The following NEK7 variants were observed in gnomAD, a reference collection of about 807,000 sequenced individuals.
NEK7 encodes serine/threonine-protein kinase Nek7.
In NEK7, 18 loss-of-function variants were observed where a neutral mutation model predicts 44.6. That is an observed-to-expected ratio of 0.40 (90% CI 0.28 to 0.60). The LOEUF is 0.60. NEK7 is among the 20% of genes least tolerant of loss of function. The pLI is 0.38. For missense variants in NEK7, 256 were observed against 366.5 expected (o/e 0.70, Z 2.46); for synonymous variants, 130 against 121.1 (o/e 1.07, Z -0.48).
chr1:198,260,060 T>C (rs1653404946), intron 3 of NEK7, among the ~76,000 whole-genome samples: 1 of 152,212 alleles, frequency 6.6e-6, no homozygotes, highest in Non-Finnish European at 1.5e-5. Context: ...TAAAATCTGA[T>C]AGTAAGATGG....
intron 9 of NEK7, among the ~76,000 whole-genome samples, chr1:198,309,796 G>A (rs1392974559): frequency 6.6e-6 from 1 of 152,156 alleles, no homozygotes; most frequent in East Asian, 1.9e-4. Context: ...TGGCTGCATA[G>A]TATTCCATGG....
At chr1:198,232,325 C>G (rs1475365519) in intron 1 of NEK7, among the ~76,000 whole-genome samples, 1 of 152,074 alleles carries the variant, frequency 6.6e-6, no homozygotes, top group African/African-American at 2.4e-5. Flanking sequence ...ACAGGATTTT[C>G]TAAGCAAATA....
At chr1:198,163,724 C>G (rs1038009849) in intron 1 of NEK7, among the ~76,000 whole-genome samples, 3 of 152,020 alleles carry the variant, frequency 2.0e-5, no homozygotes, top group African/African-American at 7.3e-5. Context: ...TCATGGCAAC[C>G]TACAAATTGA....
intron 2 of NEK7, among the ~76,000 whole-genome samples, chr1:198,234,123 C>A (rs1361905197): frequency 6.6e-6 from 1 of 152,110 alleles, no homozygotes; most frequent in Non-Finnish European, 1.5e-5. Flanking sequence ...ACTTCAATTT[C>A]TCACCTGTAG....
At chr1:198,273,883 G>A (rs1405000358) in intron 5 of NEK7, among the ~76,000 whole-genome samples, 1 of 151,548 alleles carries the variant, frequency 6.6e-6, no homozygotes, top group Non-Finnish European at 1.5e-5. Flanking sequence ...TAGAAGTGGT[G>A]GAGACGTCAT....
intron 9 of NEK7, among the ~76,000 whole-genome samples, chr1:198,305,546 G>A (rs1430380214): frequency 6.6e-6 from 1 of 152,016 alleles, no homozygotes; most frequent in Non-Finnish European, 1.5e-5. Context: ...ATGTAAGTTT[G>A]TAATCCGGAG....
intron 9 of NEK7, among the ~76,000 whole-genome samples, chr1:198,317,722 C>T (rs1430002618): frequency 6.6e-6 from 1 of 151,976 alleles, no homozygotes; most frequent in Non-Finnish European, 1.5e-5. Flanking sequence ...GTTATCTTTT[C>T]CTGCTATTCT....
At chr1:198,269,579 A>G (rs1033280034) in intron 5 of NEK7, among the ~76,000 whole-genome samples, 22 of 152,068 alleles carry the variant, frequency 1.4e-4, no homozygotes, top group African/African-American at 4.6e-4. Flanking sequence ...TTTAGTGAGT[A>G]ATATTGTAAA....
At chr1:198,203,841 T>G (rs551537327) in intron 1 of NEK7, among the ~76,000 whole-genome samples, 50 of 151,956 alleles carry the variant, frequency 3.3e-4, no homozygotes, top group East Asian at 3.3e-3. Context: ...TTCATTTTTT[T>G]TTTGTGTGTG....
chr1:198,164,488 C>G (rs531873885), intron 1 of NEK7, among the ~76,000 whole-genome samples: 53 of 152,246 alleles, frequency 3.5e-4, no homozygotes, highest in African/African-American at 1.3e-3. Flanking sequence ...TAGACCACTG[C>G]AATAAAGTGA....
chr1:198,319,361 A>G, intron 9 of NEK7, 51 bp from the exon 10 acceptor site: 1 of 1,328,490 alleles, frequency 7.5e-7, no homozygotes, highest in African/African-American at 1.5e-5. Context: ...TCAGTAAACT[A>G]ACCAAAAATA....
chr1:198,212,011 CAA>C (rs1665788104), intron 1 of NEK7, among the ~76,000 whole-genome samples: 1 of 152,190 alleles, frequency 6.6e-6, no homozygotes, highest in Admixed American at 6.5e-5. Context: ...ATGAACTGAG[CAA>C]TGGGAAGTCT....
chr1:198,260,886 C>CTGCCT (rs771395463), intron 3 of NEK7, among the ~76,000 whole-genome samples: 3,762 of 152,108 alleles, frequency 0.025, 71 homozygotes, highest in African/African-American at 0.047. Flanking sequence ...TGAGCCAAAG[C>CTGCCT]TAAAATTCTT....
At chr1:198,232,680 G>C in intron 2 of NEK7, 43 bp downstream of exon 2, 1 of 1,123,240 alleles carries the variant, frequency 8.9e-7, no homozygotes, top group Non-Finnish European at 1.3e-6. Context: ...TATATAATCT[G>C]TGTTAAATAT....
intron 2 of NEK7, among the ~76,000 whole-genome samples, chr1:198,236,286 G>A (rs1666543222): frequency 6.6e-6 from 1 of 152,160 alleles, no homozygotes; most frequent in African/African-American, 2.4e-5. Context: ...TAGGCATTGA[G>A]TAGAGTGCTT....
chr1:198,292,628 A>G (rs2103007193), intron 7 of NEK7, among the ~76,000 whole-genome samples: 1 of 152,094 alleles, frequency 6.6e-6, no homozygotes, highest in South Asian at 2.1e-4. Context: ...TAAAGCCAAC[A>G]TGAATCATTT....
Position 198,244,866 on chromosome 1 carries a change from G to A in NEK7, c.58-8174G>A, listed in dbSNP as rs141290388. ...TACCTTTGAGAAACTCAGTGTGTCT[G>A]GAAGGAGAAATGTATATACATAATT... On this transcript the variant is annotated intron_variant, in intron 2 of 9. Transcript: ENST00000367385. Among the ~76,000 whole-genome samples the A allele has an allele frequency of 3.5e-4, 53 of 152,026 alleles. 1 individual carries two copies. In the East Asian group the frequency reaches 8.1e-3, roughly 23 times the overall value.
chr1:198,194,160 A>G (rs1409250766), intron 1 of NEK7, among the ~76,000 whole-genome samples: 1 of 152,162 alleles, frequency 6.6e-6, no homozygotes, highest in Non-Finnish European at 1.5e-5. Context: ...GATTTTTATG[A>G]ACTTTATTGG....
intron 1 of NEK7, among the ~76,000 whole-genome samples, chr1:198,186,388 A>G (rs1664926754): frequency 6.6e-6 from 1 of 152,188 alleles, no homozygotes; most frequent in African/African-American, 2.4e-5. Context: ...AAAGAGCAAA[A>G]GAGCAAGTTT....
Sources: allele counts gnomAD v4.1 joint callset (sites outside exome capture counted in the v4.1 genomes callset), GRCh38; gene constraint gnomAD v4.1.1; transcripts MANE v1.5; gene names NCBI Gene and HGNC (gene_info 2026-07-23, HGNC 2026-07-21).